Variants in RANBP2 observed in about 807,000 individuals in gnomAD.
RANBP2 encodes RAN binding protein 2, also known as E3 SUMO-protein ligase RanBP2.
RANBP2 carries 57 observed loss-of-function variants against 303.6 expected under a neutral mutation model. The observed-to-expected ratio is 0.19, with a 90% CI of 0.15 to 0.23. The LOEUF is 0.23. RANBP2 is among the 10% of genes least tolerant of loss of function. The pLI, the probability that RANBP2 is intolerant of heterozygous loss-of-function variation, is 1.00. For synonymous variants in RANBP2, 1,167 were observed against 1,301.5 expected (o/e 0.90, Z 2.23); for missense variants, 3,138 against 3,780.8 (o/e 0.83, Z 4.46).
rs76352345 is a variant in RANBP2, at chr2:108,740,522, G to C, written c.816G>C (p.Leu272Phe). ...FDSALQSVKS[L>F]GGNDELSATF... is the part of the protein sequence containing the mutation. Reference sequence around the variant, plus strand: ...GTGCTCTTCAGTCTGTGAAATCTTTGGGTGGAAATGATGAACTGTCAGCTA... The same window carrying C: ...GTGCTCTTCAGTCTGTGAAATCTTTCGGTGGAAATGATGAACTGTCAGCTA... The change falls in exon 7 of 29, where the codon TTG (leucine) becomes TTC (phenylalanine). Residue 272 changes from leucine (L) to phenylalanine (F), a missense_variant. Physicochemically the swap from Leu to Phe is conservative, Grantham distance 22. Around this residue, in one of 20 missense-constraint regions of RANBP2, gnomAD observed 306 missense variants for 381.9 expected, o/e 0.80. Transcript: ENST00000283195. The C allele has an allele frequency of 0.016, 25,420 of 1,597,456 alleles. 594 individuals carry two copies. The highest frequency in any genetic ancestry group is 0.077 in the South Asian group (6,965 of 90,988).
downstream of RANBP2, chr2:108,786,925 C>T (rs772342819): frequency 4.6e-6 from 7 of 1,511,666 alleles, no homozygotes. Flanking sequence ...GGTGAAGCCG[C>T]CGCCTGAGGT....
the RANBP2 span, among the ~76,000 whole-genome samples, chr2:109,244,591 A>G: frequency 6.6e-6 from 1 of 152,222 alleles, no homozygotes; most frequent in Non-Finnish European, 1.5e-5. Flanking sequence ...TATAGGAATA[A>G]GCTGGCAGGA....
At chr2:108,973,632 AG>A in the RANBP2 span, among the ~76,000 whole-genome samples, 2 of 152,194 alleles carry the variant, frequency 1.3e-5, no homozygotes, top group African/African-American at 4.8e-5. Context: ...GAAGAACAGA[AG>A]GAGAAATGCA....
At chr2:109,055,673 C>A in the RANBP2 span, among the ~76,000 whole-genome samples, 1 of 144,164 alleles carries the variant, frequency 6.9e-6, no homozygotes, top group Non-Finnish European at 1.5e-5. Flanking sequence ...CGTGAGCCAC[C>A]ACGCCCAGCG....
chr2:109,259,965 G>A, the RANBP2 span, among the ~76,000 whole-genome samples: 1 of 152,206 alleles, frequency 6.6e-6, no homozygotes, highest in African/African-American at 2.4e-5. Flanking sequence ...GACGCCCAGG[G>A]GTTTTCTTTG....
the RANBP2 span, among the ~76,000 whole-genome samples, chr2:108,793,457 T>TA: frequency 6.6e-6 from 1 of 152,194 alleles, no homozygotes; most frequent in Admixed American, 6.5e-5. Flanking sequence ...GGAACTCACC[T>TA]ACTGCTGTTG....
the RANBP2 span, among the ~76,000 whole-genome samples, chr2:109,708,352 C>T: frequency 6.6e-6 from 1 of 151,560 alleles, no homozygotes; most frequent in Non-Finnish European, 1.5e-5. Context: ...AGAGCAAGAT[C>T]CTGTCTCTAA....
rs1676087436 is a variant in RANBP2 at position 108,753,730 on chromosome 2, A to T, written c.2056-95A>T. 10 of 1,602,918 alleles carry T rather than the reference A, an allele frequency of 6.2e-6. No homozygotes were observed. In the East Asian group the frequency reaches 8.9e-5, roughly 14 times the overall value. ...GATTCTTGTGCCTCAGCTCCCGAGT[A>T]GCTGGGATTACAGGCATGAGCCACC... is the stretch of plus-strand genomic sequence containing the variant. On this transcript the variant is annotated intron_variant, in intron 14 of 28. Coordinates refer to ENST00000283195, the MANE Select transcript of RANBP2 (RefSeq NM_006267.5).
chr2:109,477,805 T>A, the RANBP2 span, among the ~76,000 whole-genome samples: 1 of 152,094 alleles, frequency 6.6e-6, no homozygotes, highest in African/African-American at 2.4e-5. Context: ...GCAAGGGAGC[T>A]CTCACGACCC....
At chr2:109,432,451 C>T in the RANBP2 span, 13 of 1,603,992 alleles carry the variant, frequency 8.1e-6, no homozygotes, top group Non-Finnish European at 1.0e-5. Context: ...GGCCGGTCCC[C>T]TATCCCCAGG....
At chr2:109,712,381 G>GTCCTGGGCATTTTTGCCT in the RANBP2 span, among the ~76,000 whole-genome samples, 1 of 152,150 alleles carries the variant, frequency 6.6e-6, no homozygotes, top group Non-Finnish European at 1.5e-5. Context: ...ACTTTCATGG[G>GTCCTGGGCATTTTTGCCT]TCCTGGGCAT....
chr2:109,527,224 C>T, the RANBP2 span, among the ~76,000 whole-genome samples: 473 of 152,316 alleles, frequency 3.1e-3, 1 homozygote, highest in African/African-American at 0.01. Context: ...CATCAGCTGC[C>T]GCACGCCTTC....
At chr2:108,875,951 T>C in the RANBP2 span, 7 of 579,156 alleles carry the variant, frequency 1.2e-5, no homozygotes, top group African/African-American at 1.9e-5. Context: ...TTCTAATCTT[T>C]TAGTTGCCTA....
the RANBP2 span, among the ~76,000 whole-genome samples, chr2:108,790,947 AGAC>A: frequency 1.3e-5 from 2 of 152,070 alleles, no homozygotes; most frequent in Admixed American, 6.6e-5. Flanking sequence ...CTTTTTGTAG[AGAC>A]AGAGTCTCAC....
At chr2:108,723,569 C>T (rs948241623) in intron 1 of RANBP2, among the ~76,000 whole-genome samples, 40 of 152,262 alleles carry the variant, frequency 2.6e-4, no homozygotes, top group African/African-American at 8.7e-4. Context: ...GCCACCGCGC[C>T]GGGCCCCATT....
the RANBP2 span, among the ~76,000 whole-genome samples, chr2:109,386,828 AACCAAAGAC>A: frequency 6.6e-6 from 1 of 152,160 alleles, no homozygotes; most frequent in South Asian, 2.1e-4. Context: ...ATTCTCACAA[AACCAAAGAC>A]ACCAAAGGCT....
At chr2:109,458,601 A>AGAGAGAGAG in the RANBP2 span, among the ~76,000 whole-genome samples, 8 of 148,916 alleles carry the variant, frequency 5.4e-5, no homozygotes, top group East Asian at 2.0e-4. Context: ...AGAGAGAGAG[A>AGAGAGAGAG]ATTTATTTAT....
At chr2:109,730,181 G>A in the RANBP2 span, among the ~76,000 whole-genome samples, 4 of 152,136 alleles carry the variant, frequency 2.6e-5, no homozygotes, top group Admixed American at 6.5e-5. Flanking sequence ...CTAAGCCCTG[G>A]CCAGGAACAT....
chr2:108,995,230 G>A, the RANBP2 span, among the ~76,000 whole-genome samples: 66,626 of 151,900 alleles, frequency 0.44, 17,645 homozygotes, highest in South Asian at 0.64. Flanking sequence ...GTGAGACTGC[G>A]GCTCACTGCA....
Sources: gnomAD v4.1 joint callset for allele counts (sites outside exome capture counted in the v4.1 genomes callset) on GRCh38, gnomAD v4.1.1 for gene constraint, gnomAD v4.1.1 regional missense constraint, MANE v1.5 for transcripts, NCBI Gene and HGNC (gene_info 2026-07-23, HGNC 2026-07-21) for gene names.